The following PKD2L1 variants were observed in gnomAD, a reference collection of about 807,000 sequenced individuals.
PKD2L1 encodes polycystin-2-like protein 1.
PKD2L1 carries 77 observed loss-of-function variants against 93.0 expected under a neutral mutation model. The ratio of observed to expected loss-of-function variants is 0.83; its 90% confidence interval spans 0.69 to 1.00. The LOEUF is 1.00. Ranked by LOEUF, PKD2L1 falls within the 50% of genes least tolerant of loss-of-function variation. The pLI is 0.00. For missense variants in PKD2L1, 977 were observed against 990.9 expected (o/e 0.99, Z 0.19); for synonymous variants, 390 against 388.0 (o/e 1.01, Z -0.06).
In PKD2L1 at chr10:100,305,334, G is replaced by C. The variant is rs575814080; in HGVS notation, c.350-5616C>G. Reference sequence around the variant, plus strand: ...TCACCATGTTGACCAGGCTGGTCTCGAACTCCTGACCTCAAATTATCCACT... The same window carrying C: ...TCACCATGTTGACCAGGCTGGTCTCCAACTCCTGACCTCAAATTATCCACT... On this transcript the variant is annotated intron_variant, in intron 2 of 15. Transcript: ENST00000318222. Among the ~76,000 whole-genome samples the C allele has an allele frequency of 9.9e-5, 15 of 152,142 alleles. No individual in the cohort carries two copies. In the East Asian group the frequency reaches 2.9e-3, roughly 30 times the overall value.
At chr10:100,298,250 C>A (rs1182726753) in intron 4 of PKD2L1, among the ~76,000 whole-genome samples, 1 of 152,290 alleles carries the variant, frequency 6.6e-6, no homozygotes, top group East Asian at 1.9e-4. Flanking sequence ...TACCCCTAAC[C>A]AACTTCTAGG....
chr10:100,306,489 T>G (rs1480861155), intron 2 of PKD2L1, among the ~76,000 whole-genome samples: 3 of 152,028 alleles, frequency 2.0e-5, no homozygotes, highest in Non-Finnish European at 4.4e-5. Flanking sequence ...AATCACTGAG[T>G]TCACTGTCCA....
chr10:100,294,978 G>T lies in PKD2L1; in HGVS notation c.1502C>A (p.Thr501Asn). 1 of 1,614,090 alleles carries T rather than the reference G, an allele frequency of 6.2e-7. No homozygotes were observed. The highest frequency in any genetic ancestry group is 8.5e-7 in the Non-Finnish European group (1 of 1,179,992). ...GAAAGTGCTAAAGTTTTCCACTTGGGTCCCGAAAAGCAGGTAGCCGAGTTG... is the reference window on the plus strand; with the variant it reads ...GAAAGTGCTAAAGTTTTCCACTTGGTTCCCGAAAAGCAGGTAGCCGAGTTG... ...YAQLGYLLFG[T>N]QVENFSTFIK... Residue 501 changes from threonine to asparagine, a missense_variant, in exon 8 of 16, where the codon ACC becomes AAC. Physicochemically the swap from Thr to Asn is moderately conservative, Grantham distance 65 (BLOSUM62 0). Coordinates refer to ENST00000318222, the MANE Select transcript of PKD2L1 (RefSeq NM_016112.3).
chr10:100,318,718 A>G (rs555561605), intron 2 of PKD2L1, among the ~76,000 whole-genome samples: 24 of 150,900 alleles, frequency 1.6e-4, no homozygotes, highest in Non-Finnish European at 2.2e-4. Flanking sequence ...ATGGGGTTTC[A>G]CCGTGTTAGC....
intron 3 of PKD2L1, 70 bp downstream of exon 3, chr10:100,299,521 C>A (rs1200789621): frequency 7.2e-7 from 1 of 1,384,818 alleles, no homozygotes; most frequent in Non-Finnish European, 1.0e-6. Flanking sequence ...AAGGTCTGAT[C>A]CGTTGTCTGA....
Position 100,296,206 on chromosome 10 carries a change from C to T in PKD2L1, c.1272G>A (p.Thr424=), listed in dbSNP as rs759705584. The T allele has an allele frequency of 1.1e-5, 17 of 1,612,230 alleles. No individual in the cohort carries two copies. Among genetic ancestry groups the T allele is most frequent in the Non-Finnish European group, 1.3e-5 (15 of 1,179,304 alleles). ...AGGCGAGGAACTCAAAGTCTGCATA[C>T]GTGTTTGGCTGCTGCAGGAGCTTCC... The part of the protein sequence containing the change: ...LMGKLLQQPN[T]YADFEFLAFW... The change falls in exon 7 of 16, where the codon ACG becomes ACA. Residue 424 remains threonine (T), a synonymous_variant. Coordinates refer to ENST00000318222, the MANE Select transcript of PKD2L1 (RefSeq NM_016112.3).
At chr10:100,300,420 C>G (rs1240381908) in intron 2 of PKD2L1, among the ~76,000 whole-genome samples, 1 of 152,148 alleles carries the variant, frequency 6.6e-6, no homozygotes, top group African/African-American at 2.4e-5. Flanking sequence ...TGGACTTTAC[C>G]CTGAAGAACT....
chr10:100,288,502 A>G, intron 15 of PKD2L1, 24 bp from the exon 16 acceptor site: 1 of 1,428,376 alleles, frequency 7.0e-7, no homozygotes, highest in Non-Finnish European at 9.9e-7. Flanking sequence ...CGAGAAACCC[A>G]TGGGTGCTAG....
intron 4 of PKD2L1, among the ~76,000 whole-genome samples, chr10:100,298,051 A>G (rs1848591123): frequency 6.6e-6 from 1 of 152,182 alleles, no homozygotes. Flanking sequence ...GTGATTGCAC[A>G]TCAGGCTCCT....
Position 100,290,539 on chromosome 10 carries a change from T to G in PKD2L1, c.2008-20A>C. ...GGCCACCTGCTCAGGAAGTCAGAGG[T>G]TAGAGGGGAGGAGATAACTCTGGGA... On this transcript the variant is annotated intron_variant, in intron 12 of 15. Transcript: ENST00000318222. The G allele has an allele frequency of 1.3e-6, 2 of 1,510,958 alleles. No homozygotes were observed. Among genetic ancestry groups the G allele is most frequent in the Non-Finnish European group, 1.8e-6 (2 of 1,089,602 alleles). The allele number at this position is 1,510,958 out of a possible 1,614,324, so 93.6% of individuals were successfully genotyped here.
chr10:100,298,559 CA>C lies in PKD2L1; in HGVS notation c.731+2del. On this transcript the variant is annotated splice_donor_variant, in intron 4 of 15. Transcript: ENST00000318222. LOFTEE classifies it high-confidence loss of function. ...GTGATATTGGTAGGACAGGCTCACT[CA>C]CGCTGTGCCATTGAAGGGCCCAAAG... 6.2e-7 allele frequency: 1 copy of C among 1,613,792 alleles called. No homozygotes were observed. Among genetic ancestry groups the C allele is most frequent in the Non-Finnish European group, 8.5e-7 (1 of 1,179,782 alleles).
chr10:100,329,803 C>T (rs1849464269), intron 1 of PKD2L1, 66 bp downstream of exon 1: 2 of 1,156,276 alleles, frequency 1.7e-6, no homozygotes, highest in Middle Eastern at 2.1e-4. Flanking sequence ...CCACCCCCTG[C>T]CCAAAAGCTT....
At chr10:100,311,274 G>C (rs1194506132) in intron 2 of PKD2L1, among the ~76,000 whole-genome samples, 2 of 152,166 alleles carry the variant, frequency 1.3e-5, no homozygotes, top group East Asian at 1.9e-4. Flanking sequence ...TCTGGTACAC[G>C]TTTTTTTCCT....
chr10:100,304,222 C>T (rs1034506176), intron 2 of PKD2L1, among the ~76,000 whole-genome samples: 2 of 152,102 alleles, frequency 1.3e-5, no homozygotes, highest in African/African-American at 4.8e-5. Context: ...AACACTCTCT[C>T]CCCATACAAA....
chr10:100,311,270 A>G (rs190666862), intron 2 of PKD2L1, among the ~76,000 whole-genome samples: 1 of 152,278 alleles, frequency 6.6e-6, no homozygotes, highest in East Asian at 1.9e-4. Context: ...GTGTTCTGGT[A>G]CACGTTTTTT....
At chr10:100,307,156 C>T (rs962090468) in intron 2 of PKD2L1, among the ~76,000 whole-genome samples, 14 of 152,166 alleles carry the variant, frequency 9.2e-5, no homozygotes, top group Non-Finnish European at 1.8e-4. Flanking sequence ...ACACCTATTA[C>T]GTGTCCTGTG....
chr10:100,299,524 T>C (rs1848630683), intron 3 of PKD2L1, 67 bp downstream of exon 3: 1 of 1,425,466 alleles, frequency 7.0e-7, no homozygotes, highest in Non-Finnish European at 9.9e-7. Context: ...GTCTGATCCG[T>C]TGTCTGACCT....
At chr10:100,296,952 T>G (rs1472495298) in intron 6 of PKD2L1, 28 bp downstream of exon 6, 1 of 1,490,962 alleles carries the variant, frequency 6.7e-7, no homozygotes, top group Non-Finnish European at 9.4e-7. Flanking sequence ...CCCCAGAATG[T>G]CCCAAGTCCT....
At chr10:100,329,412 C>G (rs1589687883) in intron 1 of PKD2L1, 88 bp from the exon 2 acceptor site, 1 of 1,571,544 alleles carries the variant, frequency 6.4e-7, no homozygotes, top group East Asian at 2.3e-5. Flanking sequence ...ACTTTAGCCC[C>G]TTTCCACCCC....
Sources: gnomAD v4.1 joint callset for allele counts (sites outside exome capture counted in the v4.1 genomes callset) on GRCh38, gnomAD v4.1.1 for gene constraint, MANE v1.5 for transcripts, NCBI Gene and HGNC (gene_info 2026-07-23, HGNC 2026-07-21) for gene names.